Variants in KDM4B observed in about 807,000 individuals in gnomAD.
KDM4B encodes lysine-specific demethylase 4B.
KDM4B carries 32 observed loss-of-function variants against 125.2 expected under a neutral mutation model. The observed-to-expected ratio is 0.26, with a 90% confidence interval of 0.19 to 0.34. The LOEUF is 0.34. Ranked by LOEUF, KDM4B falls within the 10% of genes least tolerant of loss-of-function variation. The pLI is 1.00. For synonymous variants in KDM4B, 721 were observed against 677.9 expected, an observed-to-expected ratio of 1.06 and a Z score of -0.99; for missense variants, 1,190 against 1,577.7, an observed-to-expected ratio of 0.75 and a Z score of 4.16.
intron 15 of KDM4B, 137 bp downstream of exon 15, chr19:5,135,698 A>C (rs764790431): frequency 1.4e-6 from 1 of 708,322 alleles, no homozygotes; most frequent in East Asian, 2.7e-5. Context: ...GGGCCAGGGC[A>C]GGGGCCTCCC....
Position 4,973,046 on chromosome 19 carries a change from C to T in KDM4B, c.-109+3816C>T, listed in dbSNP as rs561471235. On this transcript the variant is annotated intron_variant, in intron 1 of 22. Transcript: ENST00000159111. ...CAGGGGTGGCACTTCCACACCCTCC[C>T]AGTCACCATAGCCCTGACCTGTCGA... 2.6e-5 allele frequency among the ~76,000 whole-genome samples: 4 copies of T among 152,332 alleles called. No homozygotes were observed. In the South Asian group the frequency reaches 8.3e-4, roughly 32 times the overall value.
intron 11 of KDM4B, among the ~76,000 whole-genome samples, chr19:5,129,629 C>G (rs1374431364): frequency 6.6e-6 from 1 of 152,258 alleles, no homozygotes; most frequent in South Asian, 2.1e-4. Context: ...TCATCCTGAT[C>G]TGCTTGGGAC....
intron 9 of KDM4B, among the ~76,000 whole-genome samples, chr19:5,097,581 C>T (rs915691311): frequency 7.2e-5 from 11 of 152,312 alleles, no homozygotes; most frequent in South Asian, 2.1e-4. Context: ...GCTGCTCCTT[C>T]GGTCCTGATG....
At position 5,140,007 on chromosome 19, in the gene KDM4B, C is replaced by T. The variant is rs900705565; in HGVS notation, c.2550+1937C>T. On this transcript the variant is annotated intron_variant, in intron 18 of 22. Transcript: ENST00000159111. ...GGCTGTGCACTTGGGACAGATTCCT[C>T]GACCTCTCTGTGCCTCGGCCGTCCC... Among the ~76,000 whole-genome samples, 18 of 152,196 alleles carry T rather than the reference C, an allele frequency of 1.2e-4. No homozygotes were observed. The East Asian group carries it at 1.3e-3, about 11-fold the overall frequency.
intron 16 of KDM4B, 79 bp downstream of exon 16, chr19:5,137,417 C>T (rs1241225917): frequency 2.0e-5 from 28 of 1,377,418 alleles, no homozygotes; most frequent in African/African-American, 5.7e-5. Context: ...GACTTTGGGG[C>T]GTAGTCTCCC....
At chr19:5,093,247 T>C (rs1157893746) in intron 9 of KDM4B, among the ~76,000 whole-genome samples, 1 of 152,142 alleles carries the variant, frequency 6.6e-6, no homozygotes, top group Non-Finnish European at 1.5e-5. Context: ...ACAACACTGA[T>C]AGACTCGAGG....
At chr19:5,125,934 G>C (rs2039441965) in intron 11 of KDM4B, among the ~76,000 whole-genome samples, 1 of 152,224 alleles carries the variant, frequency 6.6e-6, no homozygotes, top group Admixed American at 6.5e-5. Flanking sequence ...TCTCGAGAGA[G>C]CCTCATAAAT....
At chr19:5,061,777 G>T in intron 6 of KDM4B, among the ~76,000 whole-genome samples, 1 of 151,440 alleles carries the variant, frequency 6.6e-6, no homozygotes. Flanking sequence ...GCTGAGGAGG[G>T]AGTATTGCTT....
intron 5 of KDM4B, among the ~76,000 whole-genome samples, chr19:5,045,280 T>G (rs1308177173): frequency 6.6e-6 from 1 of 152,222 alleles, no homozygotes; most frequent in Non-Finnish European, 1.5e-5. Flanking sequence ...CATTTCAATC[T>G]GCATTCCCCC....
chr19:5,090,417 C>G (rs1302963704), intron 9 of KDM4B, among the ~76,000 whole-genome samples: 1 of 78,948 alleles, frequency 1.3e-5, no homozygotes, highest in African/African-American at 5.1e-5. Flanking sequence ...TCCCCCTCTC[C>G]CCCTCTGTCT....
intron 9 of KDM4B, among the ~76,000 whole-genome samples, chr19:5,097,143 C>T (rs1172468848): frequency 1.3e-5 from 2 of 152,170 alleles, no homozygotes; most frequent in African/African-American, 2.4e-5. Flanking sequence ...TGAATGGTAA[C>T]CAAAGCCACC....
intron 2 of KDM4B, among the ~76,000 whole-genome samples, chr19:5,032,533 C>T (rs1354831363): frequency 6.6e-6 from 1 of 152,218 alleles, no homozygotes; most frequent in Non-Finnish European, 1.5e-5. Context: ...GTGCAGCGGA[C>T]GCTGACACAC....
intron 7 of KDM4B, 56 bp from the exon 8 acceptor site, chr19:5,077,311 C>T (rs1001952844): frequency 5.4e-6 from 8 of 1,493,914 alleles, no homozygotes; most frequent in East Asian, 2.3e-5. Context: ...GCAGCATCCT[C>T]GCTGACCCCG....
intron 6 of KDM4B, among the ~76,000 whole-genome samples, chr19:5,049,693 C>T (rs988643007): frequency 2.6e-5 from 4 of 152,112 alleles, no homozygotes; most frequent in African/African-American, 4.8e-5. Flanking sequence ...CCCATGCCTG[C>T]GACAGGCATA....
chr19:5,094,434 G>T (rs994887726), intron 9 of KDM4B, among the ~76,000 whole-genome samples: 8 of 152,256 alleles, frequency 5.3e-5, no homozygotes, highest in African/African-American at 1.7e-4. Flanking sequence ...CATGTGCGGG[G>T]GGGAGGCACT....
chr19:5,062,582 G>A (rs750516361), intron 6 of KDM4B, among the ~76,000 whole-genome samples: 2 of 152,166 alleles, frequency 1.3e-5, no homozygotes, highest in Non-Finnish European at 2.9e-5. Flanking sequence ...CTAGACGAGG[G>A]ACAGGTTTAC....
In KDM4B at chr19:5,131,889, A is replaced by G; in HGVS notation, c.1788A>G (p.Ala596=). 1 of 1,612,716 alleles carries G rather than the reference A, an allele frequency of 6.2e-7. No individual in the cohort carries two copies. Among genetic ancestry groups the G allele is most frequent in the Non-Finnish European group, 8.5e-7 (1 of 1,179,844 alleles). ...CTACAGCCTGTTGTGTGTTTCAGGC[A>G]CCGTCCACATTTTCCAAATTGAAGA... ...ETKARAGEGQ[A]PSTFSKLKME... is the part of the protein sequence containing the mutation. Residue 596 remains alanine (A), a splice_region_variant and synonymous_variant, in exon 13 of 23, where the codon GCA becomes GCG. Coordinates refer to ENST00000159111, the MANE Select transcript of KDM4B (RefSeq NM_015015.3).
chr19:5,114,370 C>T lies in KDM4B; in HGVS notation c.1115+3552C>T. On this transcript the variant is annotated intron_variant, in intron 10 of 22. Transcript: ENST00000159111. This position sits in a 1 kb window ranked among gnomAD's most constrained non-coding sequence, Gnocchi z 5.8. ...CTGTCCCCTCCTGCTCTGCCTTGGC[C>T]TGTCGCCCCTGCGCCAGTGCAGGAC... 1 of 609,708 alleles carries T rather than the reference C, an allele frequency of 1.6e-6. No homozygotes were observed. The allele number at this position is 609,708 out of a possible 1,614,324, so 37.8% of individuals were successfully genotyped here.
At chr19:5,023,422 C>G (rs897137878) in intron 2 of KDM4B, among the ~76,000 whole-genome samples, 7 of 152,238 alleles carry the variant, frequency 4.6e-5, no homozygotes, top group Non-Finnish European at 2.9e-5. Flanking sequence ...GAGTGGCGTT[C>G]TCGTGCTGCC....
Sources: allele counts gnomAD v4.1 joint callset (sites outside exome capture counted in the v4.1 genomes callset), GRCh38; gene constraint gnomAD v4.1.1; non-coding constraint Gnocchi (gnomAD v3.1); transcripts MANE v1.5; gene names NCBI Gene and HGNC (gene_info 2026-07-23, HGNC 2026-07-21).